The following SPATA12 variants were observed in gnomAD, a reference collection of about 807,000 sequenced individuals.
SPATA12 encodes spermatogenesis associated 12, also known as spermatogenesis-associated protein 12.
For missense variants in SPATA12, 219 were observed against 226.4 expected (o/e 0.97, Z 0.21); for synonymous variants, 85 against 89.2 (o/e 0.95, Z 0.26).
intron 1 of SPATA12, 120 bp from the exon 2 acceptor site, chr3:57,073,246 C>CT (rs1013294463): frequency 2.1e-4 from 31 of 148,990 alleles, no homozygotes; most frequent in African/African-American, 3.0e-4. Context: ...TTATTTTTTA[C>CT]TTTTTTTTTT....
Position 57,074,625 on chromosome 3 carries a change from C to A in SPATA12, c.*358C>A, listed in dbSNP as rs1335911906. On this transcript the variant is annotated 3_prime_UTR_variant, in exon 2 of 2. Coordinates refer to ENST00000334325, the MANE Select transcript of SPATA12 (RefSeq NM_181727.2). ...GCATCTCCTGATCCCCGATCCTATA[C>A]ATTTTCATCTCTTTATTGTTTCTAT... is the stretch of plus-strand genomic sequence containing the variant. 4.3e-6 allele frequency: 1 copy of A among 232,650 alleles called. No homozygotes were observed. Among genetic ancestry groups the A allele is most frequent in the Non-Finnish European group, 9.2e-6 (1 of 109,106 alleles). 14.4% of individuals were successfully genotyped at this position (232,650 alleles called of 1,614,324 possible).
At chr3:57,068,863 A>C (rs570779039) in intron 1 of SPATA12, among the ~76,000 whole-genome samples, 1 of 151,898 alleles carries the variant, frequency 6.6e-6, no homozygotes, top group Non-Finnish European at 1.5e-5. Context: ...CAAAATCCCT[A>C]TGAACTGCCG....
At position 57,073,986 on chromosome 3, in the gene SPATA12, C is replaced by T. The variant is rs1706080769; in HGVS notation, c.292C>T (p.Gln98Ter). The T allele has an allele frequency of 6.2e-7, 1 of 1,614,076 alleles. No homozygotes were observed. Among genetic ancestry groups the T allele is most frequent in the Non-Finnish European group, 8.5e-7 (1 of 1,180,048 alleles). ...CATCTCTCTTGACATCGCTGTATCC[C>T]AAATAAATCTTCTGGGAAGACCCTC... ...AAISLDIAVSQINLLGRPSSP... is the reference protein window; with the variant it reads ...AAISLDIAVS Residue 98 changes from glutamine to a stop codon, truncating the protein, a stop_gained, in exon 2 of 2, where the codon CAA becomes TAA. Coordinates refer to ENST00000334325, the MANE Select transcript of SPATA12 (RefSeq NM_181727.2). LOFTEE classifies it low-confidence loss of function (END_TRUNC).
intron 1 of SPATA12, among the ~76,000 whole-genome samples, chr3:57,066,268 T>C (rs1209721824): frequency 6.6e-6 from 1 of 151,602 alleles, no homozygotes; most frequent in Admixed American, 6.6e-5. Flanking sequence ...TTTCCTTTCT[T>C]TCTTTTTTTT....
At chr3:57,068,857 AT>A (rs1192399178) in intron 1 of SPATA12, among the ~76,000 whole-genome samples, 2 of 151,940 alleles carry the variant, frequency 1.3e-5, no homozygotes, top group East Asian at 3.9e-4. Context: ...TGGAAACAAA[AT>A]CCCTATGAAC....
At chr3:57,071,281 C>T (rs1705887233) in intron 1 of SPATA12, among the ~76,000 whole-genome samples, 2 of 152,084 alleles carry the variant, frequency 1.3e-5, no homozygotes, top group African/African-American at 4.8e-5. Context: ...AAGCTAGACC[C>T]CTACCTCACA....
intron 1 of SPATA12, among the ~76,000 whole-genome samples, chr3:57,066,066 G>GA (rs1218279829): frequency 5.3e-5 from 8 of 151,396 alleles, no homozygotes; most frequent in Non-Finnish European, 1.2e-4. Flanking sequence ...TAAAATGTAA[G>GA]AAAAAATCCT....
In SPATA12 at chr3:57,074,179, G is replaced by A. The variant is rs1219057174; in HGVS notation, c.485G>A (p.Arg162His). The A allele has an allele frequency of 5.0e-6, 8 of 1,614,110 alleles. No individual in the cohort carries two copies. Among genetic ancestry groups the A allele is most frequent in the South Asian group, 1.1e-5 (1 of 91,086 alleles). ...GAGCCCAGTAGCACAGGGTGCAGCC[G>A]TTCAAACCAACTGACATTTACTGAG... ...DAEPSSTGCS[R>H]SNQLTFTEGC... is the part of the protein sequence containing the mutation. Residue 162 changes from arginine to histidine, a missense_variant, in exon 2 of 2, where the codon CGT becomes CAT. By Grantham distance (29) the Arg-to-His change is conservative. Coordinates refer to ENST00000334325, the MANE Select transcript of SPATA12 (RefSeq NM_181727.2).
Position 57,074,581 on chromosome 3 carries a change from A to C in SPATA12, c.*314A>C. The C allele has an allele frequency of 3.3e-6, 1 of 305,582 alleles. No homozygotes were observed. Among genetic ancestry groups the C allele is most frequent in the Admixed American group, 4.7e-5 (1 of 21,252 alleles). The allele number at this position is 305,582 out of a possible 1,614,324, so 18.9% of individuals were successfully genotyped here. A position where few individuals can be genotyped will look rare whatever the true frequency, so the allele number is the denominator to read the frequency against. ...AATTGATCAATCAATCGATCAATCA[A>C]TGAAAGAGTGGGAGGCATGCATCTC... is the stretch of plus-strand genomic sequence containing the variant. On this transcript the variant is annotated 3_prime_UTR_variant, in exon 2 of 2. Transcript: ENST00000334325.
chr3:57,060,993 C>T (rs568586548), intron 1 of SPATA12, among the ~76,000 whole-genome samples: 246 of 152,250 alleles, frequency 1.6e-3, no homozygotes, highest in African/African-American at 5.7e-3. Context: ...ATAAAACATA[C>T]CACTTTAACC....
At chr3:57,063,121 G>A (rs1705322621) in intron 1 of SPATA12, among the ~76,000 whole-genome samples, 1 of 152,226 alleles carries the variant, frequency 6.6e-6, no homozygotes, top group South Asian at 2.1e-4. Context: ...GCAGATATTG[G>A]GAGAGGTGCA....
chr3:57,070,416 G>C (rs1436900557), intron 1 of SPATA12, among the ~76,000 whole-genome samples: 1 of 152,204 alleles, frequency 6.6e-6, no homozygotes, highest in South Asian at 2.1e-4. Flanking sequence ...AGTTTTGTCT[G>C]TGCAGTTTGA....
At chr3:57,061,365 A>G (rs1164926672) in intron 1 of SPATA12, among the ~76,000 whole-genome samples, 2 of 152,172 alleles carry the variant, frequency 1.3e-5, no homozygotes, top group East Asian at 1.9e-4. Flanking sequence ...TGGCACGATC[A>G]TAACTCACTG....
In SPATA12 at chr3:57,073,641, G is replaced by A. The variant is rs932869756; in HGVS notation, c.-54G>A. ...TGCATGCTCCTCAGGGATTGGCTCC[G>A]GCCAAGTGCCCCAGCCTCCTTTTCT... On this transcript the variant is annotated 5_prime_UTR_variant, in exon 2 of 2. Coordinates refer to ENST00000334325, the MANE Select transcript of SPATA12 (RefSeq NM_181727.2). The A allele has an allele frequency of 2.4e-5, 37 of 1,556,374 alleles. No homozygotes were observed. The highest frequency in any genetic ancestry group is 6.8e-5 in the African/African-American group (5 of 73,352).
rs778398888 is a variant in SPATA12 at position 57,074,262 on chromosome 3, C to T, written c.568C>T (p.Leu190=). 1.2e-6 allele frequency: 2 copies of T among 1,607,166 alleles called. No individual in the cohort carries two copies. The highest frequency in any genetic ancestry group is 1.7e-6 in the Non-Finnish European group (2 of 1,175,210). ...CTCCAACACACACATACACACACAT[C>T]TGTAATCAATAATAATCCTGCAACA... ...VYSNTHIHTH[L] is the part of the protein sequence containing the mutation. The change falls in exon 2 of 2, where the codon CTG becomes TTG. Residue 190 remains leucine, a synonymous_variant. Transcript: ENST00000334325.
At position 57,074,261 on chromosome 3, in the gene SPATA12, T is replaced by C; in HGVS notation, c.567T>C (p.His189=). 6.2e-7 allele frequency: 1 copy of C among 1,607,416 alleles called. No individual in the cohort carries two copies. The highest frequency in any genetic ancestry group is 1.1e-5 in the South Asian group (1 of 90,566). ...TVYSNTHIHT[H]L ...ACTCCAACACACACATACACACACA[T>C]CTGTAATCAATAATAATCCTGCAAC... Residue 189 remains histidine (H), a synonymous_variant, in exon 2 of 2, where the codon CAT becomes CAC. Transcript: ENST00000334325.
At chr3:57,070,745 G>A (rs184620134) in intron 1 of SPATA12, among the ~76,000 whole-genome samples, 1 of 152,192 alleles carries the variant, frequency 6.6e-6, no homozygotes, top group Admixed American at 6.5e-5. Flanking sequence ...GACTACTTGA[G>A]CCCAGGAGTT....
rs193025910 is a variant in SPATA12 at position 57,074,614 on chromosome 3, C to A, written c.*347C>A. 2.0e-5 allele frequency: 5 copies of A among 255,992 alleles called. No homozygotes were observed. In the East Asian group the frequency reaches 3.6e-4, roughly 18 times the overall value. 15.9% of individuals were successfully genotyped at this position (255,992 alleles called of 1,614,324 possible). A position where few individuals can be genotyped will look rare whatever the true frequency, so the allele number is the denominator to read the frequency against. Reference sequence around the variant, plus strand: ...GTGGGAGGCATGCATCTCCTGATCCCCGATCCTATACATTTTCATCTCTTT... The same window carrying A: ...GTGGGAGGCATGCATCTCCTGATCCACGATCCTATACATTTTCATCTCTTT... On this transcript the variant is annotated 3_prime_UTR_variant, in exon 2 of 2. Transcript: ENST00000334325.
In SPATA12 at chr3:57,074,178, C is replaced by T. The variant is rs748540996; in HGVS notation, c.484C>T (p.Arg162Cys). The T allele has an allele frequency of 5.4e-5, 87 of 1,613,982 alleles. 1 individual carries two copies. The East Asian group carries it at 1.1e-3, about 20-fold the overall frequency. Residue 162 changes from arginine to cysteine, a missense_variant, in exon 2 of 2, where the codon CGT (arginine) becomes TGT (cysteine). Transcript: ENST00000334325. ...CGAGCCCAGTAGCACAGGGTGCAGC[C>T]GTTCAAACCAACTGACATTTACTGA... ...DAEPSSTGCS[R>C]SNQLTFTEGC...
Sources: allele counts gnomAD v4.1 joint callset (sites outside exome capture counted in the v4.1 genomes callset), GRCh38; gene constraint gnomAD v4.1.1; transcripts MANE v1.5; gene names NCBI Gene and HGNC (gene_info 2026-07-23, HGNC 2026-07-21).